The following TBCK variants were observed in gnomAD, a reference collection of about 807,000 sequenced individuals.
TBCK encodes TBC1 domain containing kinase.
A neutral mutation model predicts 113.4 loss-of-function variants in TBCK; 99 were observed. The observed-to-expected ratio is 0.87, with a 90% CI of 0.74 to 1.03. The LOEUF is 1.03. Ranked by LOEUF, TBCK falls within the 50% of genes least tolerant of loss-of-function variation. The probability of loss-of-function intolerance (pLI) is 0.00; values close to 1 mark genes in which losing one functional copy is unlikely to be tolerated. For synonymous variants in TBCK, 369 were observed against 370.8 expected (o/e 1.00, Z 0.05); for missense variants, 1,045 against 1,061.3 (o/e 0.98, Z 0.21).
chr4:106,242,261 G>A (rs569534443), intron 12 of TBCK, among the ~76,000 whole-genome samples: 4 of 152,118 alleles, frequency 2.6e-5, no homozygotes, highest in East Asian at 1.9e-4. Flanking sequence ...CAATGATGGC[G>A]AAAAGATAAA....
At chr4:106,187,574 G>A (rs576407044) in intron 22 of TBCK, among the ~76,000 whole-genome samples, 91 of 152,006 alleles carry the variant, frequency 6.0e-4, no homozygotes, top group African/African-American at 1.9e-3. Context: ...ATGCCACCAC[G>A]CCCAACTAAT....
Position 106,236,454 on chromosome 4 carries a change from A to T in TBCK, c.1286T>A (p.Ile429Asn). The T allele has an allele frequency of 2.5e-6, 4 of 1,581,900 alleles. No homozygotes were observed. The highest frequency in any genetic ancestry group is 3.4e-6 in the Non-Finnish European group (4 of 1,162,748). Residue 429 changes from isoleucine to asparagine, a missense_variant, in exon 14 of 26, where the codon ATC becomes AAC. Ile to Asn is a moderately radical substitution (Grantham distance 149). Transcript: ENST00000394708. ...GTACTCTGTATCCTTCTCTCTGATG[A>T]TTAAAGGGAGCGTGGCAGCTGCAGA... Reference protein sequence around the residue: ...ELSAAATLPLIIREKDTEYQL... With the variant: ...ELSAAATLPLNIREKDTEYQL...
chr4:106,274,498 A>G (rs558646756), intron 3 of TBCK, among the ~76,000 whole-genome samples: 1 of 152,360 alleles, frequency 6.6e-6, no homozygotes, highest in East Asian at 1.9e-4. Context: ...AGCAATACAA[A>G]TAAATGAAGT....
intron 22 of TBCK, among the ~76,000 whole-genome samples, chr4:106,177,327 G>T (rs1751795570): frequency 6.6e-6 from 1 of 151,840 alleles, no homozygotes; most frequent in Non-Finnish European, 1.5e-5. Context: ...TTGCTGTGAA[G>T]AATTTTAGCT....
chr4:106,292,470 T>A (rs1197720128), intron 3 of TBCK, among the ~76,000 whole-genome samples: 1 of 150,566 alleles, frequency 6.6e-6, no homozygotes, highest in Non-Finnish European at 1.5e-5. Context: ...CTCAAAAGGC[T>A]GAGGCAGGAG....
intron 23 of TBCK, chr4:106,163,505 T>C (rs895891511): frequency 2.0e-5 from 3 of 152,154 alleles, no homozygotes; most frequent in African/African-American, 7.2e-5. Flanking sequence ...ATACTGCTCA[T>C]AAAGACATAC....
At chr4:106,060,778 A>G (rs1181838841) in intron 25 of TBCK, among the ~76,000 whole-genome samples, 2 of 151,794 alleles carry the variant, frequency 1.3e-5, no homozygotes, top group Non-Finnish European at 2.9e-5. Flanking sequence ...ATCCTCTGGA[A>G]ATAATCCACC....
Position 106,109,493 on chromosome 4 carries a change from C to T in TBCK, c.2411+6710G>A, listed in dbSNP as rs183066415. On this transcript the variant is annotated intron_variant, in intron 24 of 25. Coordinates refer to ENST00000394708, the MANE Select transcript of TBCK (RefSeq NM_001163435.3). ...CCACACATCTATGACCATCTGATCT[C>T]TGACAAAGCTGACAGAAAACAAGAA... Among the ~76,000 whole-genome samples the T allele has an allele frequency of 1.5e-4, 23 of 152,214 alleles. No homozygotes were observed. In the East Asian group the frequency reaches 4.4e-3, roughly 29 times the overall value.
chr4:106,153,629 T>C (rs79468403), intron 23 of TBCK, among the ~76,000 whole-genome samples: 21,475 of 152,124 alleles, frequency 0.14, 1,709 homozygotes, highest in South Asian at 0.25. Flanking sequence ...GATGATTTTC[T>C]GTCTGGAAGA....
intron 3 of TBCK, among the ~76,000 whole-genome samples, chr4:106,286,918 T>C (rs777962824): frequency 6.6e-6 from 1 of 151,178 alleles, no homozygotes; most frequent in Non-Finnish European, 1.5e-5. Flanking sequence ...GGGGGTGGAA[T>C]AGAGTTGAGG....
chr4:106,062,353 G>T (rs1736146918), intron 25 of TBCK, among the ~76,000 whole-genome samples: 1 of 151,726 alleles, frequency 6.6e-6, no homozygotes, highest in Non-Finnish European at 1.5e-5. Context: ...ATATCATTTT[G>T]TATCAGGAGC....
chr4:106,256,130 C>T (rs570943186), intron 5 of TBCK, among the ~76,000 whole-genome samples: 2 of 152,250 alleles, frequency 1.3e-5, no homozygotes, highest in African/African-American at 2.4e-5. Flanking sequence ...GGTCCATGGG[C>T]GGCCATGGGT....
At chr4:106,194,417 T>C (rs1045287601) in intron 21 of TBCK, among the ~76,000 whole-genome samples, 3 of 152,178 alleles carry the variant, frequency 2.0e-5, no homozygotes, top group African/African-American at 4.8e-5. Flanking sequence ...CCTGATTTGA[T>C]TGTAATAGTT....
At chr4:106,088,288 CA>C (rs1382392106) in intron 25 of TBCK, among the ~76,000 whole-genome samples, 1 of 151,988 alleles carries the variant, frequency 6.6e-6, no homozygotes, top group African/African-American at 2.4e-5. Flanking sequence ...AAAAAGTAGG[CA>C]AAGCATATAT....
At chr4:106,262,513 T>C (rs563590318) in intron 3 of TBCK, among the ~76,000 whole-genome samples, 17 of 152,170 alleles carry the variant, frequency 1.1e-4, no homozygotes, top group Non-Finnish European at 2.4e-4. Context: ...AACTAACCTA[T>C]AGCAGGTTTG....
intron 25 of TBCK, among the ~76,000 whole-genome samples, chr4:106,058,140 A>G (rs1333158923): frequency 1.3e-5 from 2 of 151,810 alleles, no homozygotes; most frequent in Non-Finnish European, 1.5e-5. Context: ...GGCTGGGGAT[A>G]TAACAATGCA....
At chr4:106,091,215 C>G (rs1240162327) in intron 25 of TBCK, among the ~76,000 whole-genome samples, 3 of 152,168 alleles carry the variant, frequency 2.0e-5, no homozygotes, top group Non-Finnish European at 4.4e-5. Flanking sequence ...TGGAAGGTAA[C>G]AGGGAGCCAG....
At chr4:106,078,528 T>C (rs928162591) in intron 25 of TBCK, among the ~76,000 whole-genome samples, 4 of 151,990 alleles carry the variant, frequency 2.6e-5, no homozygotes, top group African/African-American at 9.7e-5. Context: ...AATTAGGAAA[T>C]CTAGAAGACA....
At chr4:106,226,568 A>T (rs562186326) in intron 19 of TBCK, among the ~76,000 whole-genome samples, 1 of 152,302 alleles carries the variant, frequency 6.6e-6, no homozygotes, top group Admixed American at 6.5e-5. Flanking sequence ...TAAACACTAC[A>T]ATTTCATGTT....
Sources: gnomAD v4.1 joint callset for allele counts (sites outside exome capture counted in the v4.1 genomes callset) on GRCh38, gnomAD v4.1.1 for gene constraint, MANE v1.5 for transcripts, NCBI Gene and HGNC (gene_info 2026-07-23, HGNC 2026-07-21) for gene names.